Variants in TASP1 observed in about 807,000 individuals in gnomAD.
The protein encoded by TASP1 is taspase 1.
In TASP1, 16 loss-of-function variants were observed where a neutral mutation model predicts 56.6. The observed-to-expected ratio is 0.28, with a 90% CI of 0.19 to 0.43. The LOEUF (loss-of-function observed/expected upper bound fraction) is 0.43, where lower values mean the gene tolerates loss of function less well. TASP1 is among the 20% of genes least tolerant of loss of function. TASP1 has a pLI of 1.00. For synonymous variants in TASP1, 179 were observed against 184.2 expected, an observed-to-expected ratio of 0.97 and a Z score of 0.23; for missense variants, 393 against 511.6, an observed-to-expected ratio of 0.77 and a Z score of 2.24.
intron 8 of TASP1, among the ~76,000 whole-genome samples, chr20:13,543,480 T>C (rs1233712985): frequency 6.6e-6 from 1 of 152,162 alleles, no homozygotes; most frequent in Non-Finnish European, 1.5e-5. Flanking sequence ...CATGCACCTG[T>C]AGCCCAGCTA....
At chr20:13,184,421 C>A in the TASP1 span, among the ~76,000 whole-genome samples, 1 of 151,930 alleles carries the variant, frequency 6.6e-6, no homozygotes, top group African/African-American at 2.4e-5. Context: ...TTCAATTGTC[C>A]ATAAGCTATA....
the TASP1 span, among the ~76,000 whole-genome samples, chr20:13,256,131 C>T: frequency 8.6e-5 from 13 of 151,764 alleles, no homozygotes; most frequent in Non-Finnish European, 1.0e-4. Flanking sequence ...CGTGGTGGCT[C>T]ATGCCTGTTA....
the TASP1 span, among the ~76,000 whole-genome samples, chr20:13,192,922 A>G: frequency 6.6e-6 from 1 of 152,200 alleles, no homozygotes; most frequent in African/African-American, 2.4e-5. Flanking sequence ...ATGGTTAAGT[A>G]AGATAAATGA....
chr20:13,288,445 GAA>G, the TASP1 span: 2 of 1,320,746 alleles, frequency 1.5e-6, no homozygotes, highest in Non-Finnish European at 2.1e-6. Flanking sequence ...CCCACAGCGA[GAA>G]GGATAGAAGT....
At chr20:13,634,714 AG>A (rs1446271691) in intron 1 of TASP1, among the ~76,000 whole-genome samples, 1 of 123,372 alleles carries the variant, frequency 8.1e-6, no homozygotes, top group Non-Finnish European at 1.7e-5. Flanking sequence ...TGGGCAAAAG[AG>A]GGAAACTCCG....
At chr20:13,189,331 T>G in the TASP1 span, among the ~76,000 whole-genome samples, 2 of 152,162 alleles carry the variant, frequency 1.3e-5, no homozygotes, top group Non-Finnish European at 2.9e-5. Context: ...AAAGACCTTC[T>G]GCATAGCAGA....
At chr20:13,442,702 T>G (rs1407939246) in intron 11 of TASP1, among the ~76,000 whole-genome samples, 2 of 147,422 alleles carry the variant, frequency 1.4e-5, no homozygotes, top group African/African-American at 5.4e-5. Context: ...CACTTTTACA[T>G]AAGTGCTATG....
chr20:13,552,105 A>G (rs1439098042), intron 8 of TASP1, among the ~76,000 whole-genome samples: 1 of 152,244 alleles, frequency 6.6e-6, no homozygotes, highest in Admixed American at 6.5e-5. Flanking sequence ...AATTTCAATT[A>G]CCAGAGTTTA....
the TASP1 span, among the ~76,000 whole-genome samples, chr20:13,288,090 C>T: frequency 6.6e-6 from 1 of 152,110 alleles, no homozygotes; most frequent in African/African-American, 2.4e-5. Context: ...CTGGATTCCC[C>T]AAAGCAAAAG....
the TASP1 span, among the ~76,000 whole-genome samples, chr20:13,279,409 G>A: frequency 6.6e-6 from 1 of 152,166 alleles, no homozygotes; most frequent in South Asian, 2.1e-4. Context: ...GGACTCTAGT[G>A]ATGAATTTTC....
chr20:13,476,539 A>G (rs2042955891), intron 11 of TASP1, among the ~76,000 whole-genome samples: 1 of 152,098 alleles, frequency 6.6e-6, no homozygotes, highest in Admixed American at 6.6e-5. Context: ...TATTCACCTT[A>G]TATTTTATTT....
chr20:13,277,143 GA>G, the TASP1 span, among the ~76,000 whole-genome samples: 29 of 149,594 alleles, frequency 1.9e-4, no homozygotes, highest in South Asian at 2.3e-3. Flanking sequence ...GCAGTTTGGA[GA>G]AAAAAAAAAT....
chr20:13,411,968 G>C (rs2042108166), intron 13 of TASP1, among the ~76,000 whole-genome samples: 1 of 152,228 alleles, frequency 6.6e-6, no homozygotes, highest in Non-Finnish European at 1.5e-5. Flanking sequence ...GCCTTCTGTT[G>C]CAACTGTGTT....
chr20:13,638,213 T>G (rs2147652622), intron 1 of TASP1, among the ~76,000 whole-genome samples: 1 of 152,298 alleles, frequency 6.6e-6, no homozygotes, highest in African/African-American at 2.4e-5. Flanking sequence ...TAAAAATTCC[T>G]TCGCTAATAA....
At chr20:13,607,321 C>T (rs888868512) in intron 4 of TASP1, among the ~76,000 whole-genome samples, 4 of 152,142 alleles carry the variant, frequency 2.6e-5, no homozygotes, top group Non-Finnish European at 5.9e-5. Context: ...GAACCCCAAG[C>T]CAAGGCAAAG....
the TASP1 span, among the ~76,000 whole-genome samples, chr20:13,294,539 A>T: frequency 6.6e-6 from 1 of 152,340 alleles, no homozygotes; most frequent in South Asian, 2.1e-4. Flanking sequence ...ACAAAGCCAC[A>T]TTGGCATGTG....
intron 13 of TASP1, among the ~76,000 whole-genome samples, chr20:13,414,622 T>C (rs942155973): frequency 6.6e-6 from 1 of 152,184 alleles, no homozygotes; most frequent in African/African-American, 2.4e-5. Context: ...TCTATTACAG[T>C]AGTCCATGCA....
the TASP1 span, among the ~76,000 whole-genome samples, chr20:13,246,062 G>A: frequency 0.036 from 5,511 of 152,194 alleles, 169 homozygotes; most frequent in African/African-American, 0.077. Context: ...GAAGTCAGGC[G>A]TTCAAGACCA....
At chr20:13,565,981 G>A (rs560080934) in intron 7 of TASP1, among the ~76,000 whole-genome samples, 1 of 152,120 alleles carries the variant, frequency 6.6e-6, no homozygotes, top group African/African-American at 2.4e-5. Flanking sequence ...AACAAAATGT[G>A]GTATATACAT....
Sources: allele counts gnomAD v4.1 joint callset (sites outside exome capture counted in the v4.1 genomes callset), GRCh38; gene constraint gnomAD v4.1.1; transcripts MANE v1.5; gene names NCBI Gene and HGNC (gene_info 2026-07-23, HGNC 2026-07-21).